QKI: variants seen among roughly 807,000 people sequenced by gnomAD.
QKI encodes the protein QKI, KH domain containing RNA binding.
QKI carries 10 observed loss-of-function variants against 39.0 expected under a neutral mutation model. The observed-to-expected ratio is 0.26, with a 90% CI of 0.16 to 0.43. The LOEUF (loss-of-function observed/expected upper bound fraction) is 0.43, where lower values mean the gene tolerates loss of function less well. QKI is among the 20% of genes least tolerant of loss of function. QKI has a pLI of 1.00. For synonymous variants in QKI, 204 were observed against 155.4 expected (o/e 1.31, Z -2.33); for missense variants, 218 against 428.0 (o/e 0.51, Z 4.33).
At chr6:163,506,253 C>T (rs1478290686) in intron 3 of QKI, among the ~76,000 whole-genome samples, 1 of 152,126 alleles carries the variant, frequency 6.6e-6, no homozygotes, top group Non-Finnish European at 1.5e-5. Flanking sequence ...GAGAGATTTT[C>T]ATTATTCTTG....
chr6:163,495,752 T>C (rs1778369018), intron 3 of QKI, among the ~76,000 whole-genome samples: 1 of 152,188 alleles, frequency 6.6e-6, no homozygotes, highest in Admixed American at 6.5e-5. Context: ...AATTTGTGTG[T>C]GTCTTTCTTC....
At chr6:163,486,446 T>C (rs1777687624) in intron 3 of QKI, among the ~76,000 whole-genome samples, 1 of 152,194 alleles carries the variant, frequency 6.6e-6, no homozygotes, top group Non-Finnish European at 1.5e-5. Flanking sequence ...ATTGCAGACA[T>C]AGGTGGAATT....
rs3884381 is a variant in QKI, at chr6:163,443,566, TAAC to T, written c.143-11694_143-11692del. 1.2e-4 allele frequency among the ~76,000 whole-genome samples: 19 copies of T among 152,094 alleles called. 1 individual carries two copies. The highest frequency in any genetic ancestry group is 4.1e-4 in the South Asian group (2 of 4,824). On this transcript the variant is annotated intron_variant, in intron 1 of 7. Transcript: ENST00000361752. The stretch of plus-strand genomic sequence containing the variant: ...TGGGCGAGACTCCGTCTCAAAACAA[TAAC>T]AACAACAACAACAACAACTCCTCTT...
Position 163,415,056 on chromosome 6 carries a change from G to A in QKI, c.-138G>A. ...TGCCGGCCGCCCCGGGGCTCGGCGCGGGAGCCAGAGCGGGAGCCGGCGCGG... is the reference window on the plus strand; with the variant it reads ...TGCCGGCCGCCCCGGGGCTCGGCGCAGGAGCCAGAGCGGGAGCCGGCGCGG... On this transcript the variant is annotated 5_prime_UTR_variant, in exon 1 of 8. Transcript: ENST00000361752. The A allele has an allele frequency of 1.6e-6, 1 of 636,152 alleles. No individual in the cohort carries two copies. Among genetic ancestry groups the A allele is most frequent in the East Asian group, 2.2e-4 (1 of 4,616 alleles). The allele number at this position is 636,152 out of a possible 1,614,324, so 39.4% of individuals were successfully genotyped here.
At chr6:163,541,489 A>G (rs552613212) in intron 4 of QKI, among the ~76,000 whole-genome samples, 2 of 128,246 alleles carry the variant, frequency 1.6e-5, no homozygotes, top group African/African-American at 5.7e-5. Context: ...ATCTTCTCCT[A>G]TGTCTACCCT....
intron 4 of QKI, among the ~76,000 whole-genome samples, chr6:163,536,361 A>G (rs1274097184): frequency 1.3e-5 from 2 of 152,226 alleles, no homozygotes; most frequent in Non-Finnish European, 2.9e-5. Flanking sequence ...TACTGCTTTA[A>G]TAACATTTTC....
intron 3 of QKI, among the ~76,000 whole-genome samples, chr6:163,503,098 G>A (rs1778873021): frequency 6.7e-6 from 1 of 149,980 alleles, no homozygotes. Flanking sequence ...TCTGATGATA[G>A]TAATGTTGAG....
At chr6:163,470,577 G>C (rs1792108884) in intron 2 of QKI, among the ~76,000 whole-genome samples, 2 of 152,066 alleles carry the variant, frequency 1.3e-5, no homozygotes, top group South Asian at 4.1e-4. Context: ...ACAAAAATCT[G>C]AAGAAACAGT....
chr6:163,480,259 TTC>T (rs372934674), intron 3 of QKI, among the ~76,000 whole-genome samples: 82 of 148,758 alleles, frequency 5.5e-4, no homozygotes, highest in Admixed American at 1.2e-3. Flanking sequence ...GTCTGTCTCT[TTC>T]TCTCTCTCTC....
At chr6:163,447,893 TATA>T (rs1163974579) in intron 1 of QKI, among the ~76,000 whole-genome samples, 1 of 152,210 alleles carries the variant, frequency 6.6e-6, no homozygotes, top group Non-Finnish European at 1.5e-5. Context: ...GAAAAATTTA[TATA>T]ATAACATGAA....
intron 3 of QKI, among the ~76,000 whole-genome samples, chr6:163,525,420 A>G (rs1415504620): frequency 6.9e-6 from 1 of 144,686 alleles, no homozygotes; most frequent in African/African-American, 2.6e-5. Context: ...GTGCAGTGGC[A>G]CAGTCTTGCC....
chr6:163,434,258 C>CA (rs950410450), intron 1 of QKI, among the ~76,000 whole-genome samples: 15 of 152,142 alleles, frequency 9.9e-5, no homozygotes, highest in African/African-American at 3.1e-4. Context: ...CATTTCCTAG[C>CA]AGGAAGATGG....
chr6:163,559,964 G>GT (rs1782893610), intron 4 of QKI, among the ~76,000 whole-genome samples: 1 of 152,204 alleles, frequency 6.6e-6, no homozygotes, highest in Admixed American at 6.5e-5. Context: ...ATACATAAAA[G>GT]TGGGGGGCAG....
intron 3 of QKI, among the ~76,000 whole-genome samples, chr6:163,490,968 G>T (rs1778013539): frequency 6.6e-6 from 1 of 152,144 alleles, no homozygotes; most frequent in Non-Finnish European, 1.5e-5. Context: ...CATATTTAAT[G>T]ACAGTGCTTG....
intron 4 of QKI, among the ~76,000 whole-genome samples, chr6:163,545,275 T>C (rs988572225): frequency 6.6e-6 from 1 of 152,148 alleles, no homozygotes; most frequent in Admixed American, 6.6e-5. Flanking sequence ...AATTTTTATA[T>C]TCTATCTCCA....
chr6:163,566,771 CA>C lies in QKI; in HGVS notation c.988del (p.Arg330GlyfsTer3), dbSNP rs1328719237. On this transcript the variant is annotated frameshift_variant, in exon 7 of 8. Coordinates refer to ENST00000361752, the MANE Select transcript of QKI (RefSeq NM_006775.3). LOFTEE classifies it high-confidence loss of function. ...RRHDMRVHPY[Q>X]RIVTADRAAT... is the part of the protein sequence containing the mutation. Reference sequence around the variant, plus strand: ...GCACGATATGCGTGTCCATCCTTACCAAAGGATTGTGACCGCAGACCGAGGT... The same window carrying C: ...GCACGATATGCGTGTCCATCCTTACCAAGGATTGTGACCGCAGACCGAGGT... The C allele has an allele frequency of 1.2e-6, 2 of 1,613,668 alleles. No homozygotes were observed. Among genetic ancestry groups the C allele is most frequent in the African/African-American group, 1.3e-5 (1 of 74,876 alleles).
At chr6:163,468,353 A>G (rs771882094) in intron 2 of QKI, among the ~76,000 whole-genome samples, 38 of 152,172 alleles carry the variant, frequency 2.5e-4, no homozygotes, top group Admixed American at 2.2e-3. Context: ...CCCAAATTTT[A>G]GGCACAGATT....
chr6:163,434,074 CT>C (rs35944011), intron 1 of QKI, among the ~76,000 whole-genome samples: 1 of 149,504 alleles, frequency 6.7e-6, no homozygotes, highest in East Asian at 1.9e-4. Context: ...TTTCAACAAA[CT>C]TTTTTTTTTA....
At chr6:163,415,661 G>A (rs563884075) in intron 1 of QKI, among the ~76,000 whole-genome samples, 17 of 152,000 alleles carry the variant, frequency 1.1e-4, no homozygotes, top group Middle Eastern at 3.4e-3. Context: ...GAGGTCGGCG[G>A]GGGCTGCGCG....
Sources: allele counts gnomAD v4.1 joint callset (sites outside exome capture counted in the v4.1 genomes callset), GRCh38; gene constraint gnomAD v4.1.1; transcripts MANE v1.5; gene names NCBI Gene and HGNC (gene_info 2026-07-23, HGNC 2026-07-21).